Variants in KCNH5 observed in about 807,000 individuals in gnomAD.
The protein encoded by KCNH5 is potassium voltage-gated channel subfamily H member 5, also known as voltage-gated delayed rectifier potassium channel KCNH5.
In KCNH5, 46 loss-of-function variants were observed where a neutral mutation model predicts 96.1. The ratio of observed to expected loss-of-function variants is 0.48; its 90% CI spans 0.38 to 0.61. The LOEUF (loss-of-function observed/expected upper bound fraction) is 0.61, where lower values mean the gene tolerates loss of function less well. Ranked by LOEUF, KCNH5 falls within the 20% of genes least tolerant of loss-of-function variation. KCNH5 has a pLI of 0.00. For missense variants in KCNH5, 907 were observed against 1,225.8 expected (o/e 0.74, Z 3.88); for synonymous variants, 439 against 449.8 (o/e 0.98, Z 0.30).
At chr14:62,959,815 C>T (rs547448692) in intron 6 of KCNH5, among the ~76,000 whole-genome samples, 8 of 152,226 alleles carry the variant, frequency 5.3e-5, no homozygotes, top group African/African-American at 1.9e-4. Context: ...CCTCTCACCA[C>T]CTCCACTGTC....
At chr14:63,006,518 C>T in intron 2 of KCNH5, 46 bp from the exon 3 acceptor site, 1 of 1,051,766 alleles carries the variant, frequency 9.5e-7, no homozygotes, top group Non-Finnish European at 1.5e-6. Flanking sequence ...TTTGTGTTGC[C>T]TTTCAAATGC....
chr14:62,967,922 T>G (rs1594650683), intron 6 of KCNH5, among the ~76,000 whole-genome samples: 1 of 152,142 alleles, frequency 6.6e-6, no homozygotes, highest in African/African-American at 2.4e-5. Context: ...TCAGTACAGA[T>G]AAAAAAATTT....
intron 7 of KCNH5, among the ~76,000 whole-genome samples, chr14:62,923,739 A>C (rs1230671223): frequency 6.6e-6 from 1 of 151,964 alleles, no homozygotes. Flanking sequence ...TCTTCAATAA[A>C]TTGTTTTGGG....
chr14:62,746,612 T>C (rs1428824160), intron 10 of KCNH5, among the ~76,000 whole-genome samples: 1 of 152,216 alleles, frequency 6.6e-6, no homozygotes, highest in Non-Finnish European at 1.5e-5. Context: ...GGTGACTTTC[T>C]CTAATTCATG....
chr14:62,900,544 T>C (rs1305222521), intron 7 of KCNH5, among the ~76,000 whole-genome samples: 4 of 152,176 alleles, frequency 2.6e-5, no homozygotes, highest in African/African-American at 7.2e-5. Context: ...CTGTATCTTA[T>C]AGAAGATGAT....
Position 62,893,807 on chromosome 14 carries a change from A to G in KCNH5, c.1370-43955T>C, listed in dbSNP as rs139264794. Among the ~76,000 whole-genome samples the G allele has an allele frequency of 4.6e-3, 706 of 152,360 alleles. 8 individuals are homozygous for G. Among genetic ancestry groups the G allele is most frequent in the African/African-American group, 0.016 (674 of 41,592 alleles). ...CAAGCAGCAGCAGGATTTGAAAGAA[A>G]TGACTCTAGTTTTGAAAGAAGTTCT... is the stretch of plus-strand genomic sequence containing the variant. On this transcript the variant is annotated intron_variant, in intron 7 of 10. Transcript: ENST00000322893.
chr14:62,851,857 T>C (rs1887813818), intron 7 of KCNH5, among the ~76,000 whole-genome samples: 2 of 152,110 alleles, frequency 1.3e-5, no homozygotes, highest in African/African-American at 4.8e-5. Flanking sequence ...ATTACTGCCT[T>C]CTAGTTTAAC....
At chr14:62,803,184 G>A (rs890619616) in intron 8 of KCNH5, among the ~76,000 whole-genome samples, 1 of 152,052 alleles carries the variant, frequency 6.6e-6, no homozygotes, top group African/African-American at 2.4e-5. Context: ...AGGTGGTCAA[G>A]AAGAGTCTCA....
At chr14:62,878,948 T>G (rs78894871) in intron 7 of KCNH5, among the ~76,000 whole-genome samples, 2,307 of 152,262 alleles carry the variant, frequency 0.015, 57 homozygotes, top group African/African-American at 0.053. Flanking sequence ...TTAAATTAAT[T>G]ATCTCTTTGA....
chr14:62,729,530 T>A (rs542387353), intron 10 of KCNH5, among the ~76,000 whole-genome samples: 1 of 152,270 alleles, frequency 6.6e-6, no homozygotes, highest in African/African-American at 2.4e-5. Flanking sequence ...CAGAACTGCA[T>A]GTTGTCTGGA....
At position 62,981,232 on chromosome 14, in the gene KCNH5, C is replaced by G. The variant is rs751474601; in HGVS notation, c.582G>C (p.Gln194His). The change falls in exon 6 of 11, where the codon CAG (glutamine) becomes CAC (histidine). Residue 194 changes from glutamine (Q) to histidine (H), a missense_variant. By Grantham distance (24) the Gln-to-His change is conservative. Coordinates refer to ENST00000322893, the MANE Select transcript of KCNH5 (RefSeq NM_139318.5). ...GCGTCTTTGGCGCTTCTTGTTTATA[C>G]TGAGGAAGGATATCTGATCCCAGCT... Reference protein sequence around the residue: ...VLQLGSDILPQYKQEAPKTPP... With the variant: ...VLQLGSDILPHYKQEAPKTPP... The G allele has an allele frequency of 1.2e-6, 2 of 1,614,062 alleles. No homozygotes were observed. The highest frequency in any genetic ancestry group is 1.1e-5 in the South Asian group (1 of 91,080).
intron 6 of KCNH5, among the ~76,000 whole-genome samples, chr14:62,958,153 T>TAATATAC (rs1890141180): frequency 6.6e-6 from 1 of 152,214 alleles, no homozygotes; most frequent in African/African-American, 2.4e-5. Flanking sequence ...AAGTAAGATT[T>TAATATAC]AATATACAAT....
chr14:62,786,974 G>T (rs953726833), intron 9 of KCNH5, among the ~76,000 whole-genome samples: 1 of 151,990 alleles, frequency 6.6e-6, no homozygotes, highest in Non-Finnish European at 1.5e-5. Flanking sequence ...CAATAATATC[G>T]AAATTAGGCC....
intron 8 of KCNH5, among the ~76,000 whole-genome samples, chr14:62,821,764 C>T (rs1887118526): frequency 6.6e-6 from 1 of 152,038 alleles, no homozygotes; most frequent in Non-Finnish European, 1.5e-5. Flanking sequence ...ACAGAGTATA[C>T]AGATTTCATA....
chr14:62,841,238 T>C (rs1887579039), intron 8 of KCNH5, among the ~76,000 whole-genome samples: 1 of 152,200 alleles, frequency 6.6e-6, no homozygotes. Context: ...ACACTGTTTC[T>C]TAAAAGTTTA....
chr14:62,829,644 G>C (rs531501157), intron 8 of KCNH5, among the ~76,000 whole-genome samples: 2 of 152,194 alleles, frequency 1.3e-5, no homozygotes, highest in African/African-American at 2.4e-5. Flanking sequence ...GAGCAGCAGA[G>C]CTCTGGGCCT....
intron 1 of KCNH5, among the ~76,000 whole-genome samples, chr14:63,024,753 T>C (rs11625577): frequency 0.047 from 7,196 of 152,002 alleles, 200 homozygotes; most frequent in East Asian, 0.062. Flanking sequence ...CAATAACAAA[T>C]AAGGAGATTA....
At chr14:62,926,256 A>G (rs1295789751) in intron 7 of KCNH5, among the ~76,000 whole-genome samples, 3 of 152,124 alleles carry the variant, frequency 2.0e-5, no homozygotes, top group South Asian at 2.1e-4. Flanking sequence ...AGTTGCTCTG[A>G]TAAGTTCTTG....
At chr14:62,790,005 A>G (rs912601590) in intron 9 of KCNH5, among the ~76,000 whole-genome samples, 4 of 150,848 alleles carry the variant, frequency 2.7e-5, no homozygotes, top group African/African-American at 9.7e-5. Context: ...TTTTTCCTGT[A>G]TGTTCTCATC....
Sources: gnomAD v4.1 joint callset for allele counts (sites outside exome capture counted in the v4.1 genomes callset) on GRCh38, gnomAD v4.1.1 for gene constraint, MANE v1.5 for transcripts, NCBI Gene and HGNC (gene_info 2026-07-23, HGNC 2026-07-21) for gene names.